GRID2: variants seen among roughly 807,000 people sequenced by gnomAD.
GRID2 encodes glutamate ionotropic receptor delta type subunit 2, also known as glutamate receptor ionotropic, delta-2.
In GRID2, 33 loss-of-function variants were observed where a neutral mutation model predicts 114.8. That is an observed-to-expected ratio of 0.29 (90% confidence interval 0.22 to 0.38). The LOEUF (loss-of-function observed/expected upper bound fraction) is 0.38, where lower values mean the gene tolerates loss of function less well. Among genes scored for constraint, GRID2 ranks in the 10% least tolerant of loss-of-function variants. The pLI is 1.00. For missense variants in GRID2, 1,184 were observed against 1,257.7 expected (o/e 0.94, Z 0.89); for synonymous variants, 505 against 449.9 (o/e 1.12, Z -1.55).
At chr4:93,385,432 A>G (rs1419268693) in intron 8 of GRID2, among the ~76,000 whole-genome samples, 1 of 152,190 alleles carries the variant, frequency 6.6e-6, no homozygotes, top group Non-Finnish European at 1.5e-5. Flanking sequence ...GCATGCCACA[A>G]AACTCCTCTA....
chr4:92,505,601 T>C (rs1723924413), intron 1 of GRID2, among the ~76,000 whole-genome samples: 1 of 151,812 alleles, frequency 6.6e-6, no homozygotes, highest in South Asian at 2.1e-4. Flanking sequence ...GAAAACAGTA[T>C]GTTAGGGGAG....
intron 2 of GRID2, among the ~76,000 whole-genome samples, chr4:93,075,201 C>A (rs1223461369): frequency 2.6e-5 from 4 of 151,998 alleles, no homozygotes; most frequent in Non-Finnish European, 5.9e-5. Context: ...AAAAGAAAAA[C>A]CATATGGTTA....
intron 14 of GRID2, among the ~76,000 whole-genome samples, chr4:93,627,620 C>T (rs1742843148): frequency 6.6e-6 from 1 of 152,226 alleles, no homozygotes; most frequent in African/African-American, 2.4e-5. Flanking sequence ...TGTGGGTCAA[C>T]TGCAGTCCTA....
chr4:92,941,389 G>T (rs921481930), intron 2 of GRID2, among the ~76,000 whole-genome samples: 71 of 152,118 alleles, frequency 4.7e-4, no homozygotes, highest in African/African-American at 1.6e-3. Context: ...ATGGTAGTCT[G>T]TATTTCTTTG....
chr4:93,216,171 CA>C (rs746118261), intron 5 of GRID2, among the ~76,000 whole-genome samples: 7 of 141,382 alleles, frequency 5.0e-5, no homozygotes, highest in Non-Finnish European at 1.1e-4. Flanking sequence ...GAGTTAACAT[CA>C]ACAATTCTAA....
intron 2 of GRID2, among the ~76,000 whole-genome samples, chr4:92,594,285 AT>A (rs1728846472): frequency 6.6e-6 from 1 of 151,908 alleles, no homozygotes; most frequent in South Asian, 2.1e-4. Flanking sequence ...TTTATTATTT[AT>A]GTTCAACCAT....
intron 8 of GRID2, among the ~76,000 whole-genome samples, chr4:93,375,350 T>G (rs2149299119): frequency 6.6e-6 from 1 of 151,800 alleles, no homozygotes; most frequent in African/African-American, 2.4e-5. Flanking sequence ...GTAGCTGGGA[T>G]TACAGGCACT....
intron 1 of GRID2, among the ~76,000 whole-genome samples, chr4:92,497,380 A>G (rs1723441172): frequency 1.3e-5 from 2 of 151,828 alleles, no homozygotes; most frequent in Non-Finnish European, 3.0e-5. Context: ...CAGGTTGGAG[A>G]AATCTGAAAG....
intron 2 of GRID2, among the ~76,000 whole-genome samples, chr4:92,717,927 C>T (rs977409471): frequency 6.6e-6 from 1 of 151,906 alleles, no homozygotes; most frequent in Admixed American, 6.6e-5. Context: ...ATATTAAATA[C>T]AATGAATGAT....
chr4:93,416,288 C>T (rs1438908812), intron 9 of GRID2, among the ~76,000 whole-genome samples: 3 of 151,998 alleles, frequency 2.0e-5, no homozygotes, highest in Non-Finnish European at 4.4e-5. Context: ...CCAAGAAGAA[C>T]AGTGGCCATT....
At chr4:92,428,467 G>C (rs1347923767) in intron 1 of GRID2, among the ~76,000 whole-genome samples, 1 of 151,960 alleles carries the variant, frequency 6.6e-6, no homozygotes, top group Admixed American at 6.6e-5. Context: ...GAAAACAAAA[G>C]AGAATAGAAC....
chr4:92,537,783 CGG>C (rs1725720015), intron 1 of GRID2, among the ~76,000 whole-genome samples: 1 of 79,364 alleles, frequency 1.3e-5, no homozygotes, highest in Non-Finnish European at 2.7e-5. Context: ...CAAAAACTTG[CGG>C]TGTGTGTGTG....
At chr4:92,706,261 T>C (rs929971669) in intron 2 of GRID2, among the ~76,000 whole-genome samples, 2 of 152,236 alleles carry the variant, frequency 1.3e-5, no homozygotes, top group African/African-American at 2.4e-5. Flanking sequence ...TTATTGGCTA[T>C]AGTTGTAAAT....
At chr4:93,316,570 A>AT (rs1172989976) in intron 8 of GRID2, among the ~76,000 whole-genome samples, 3 of 152,158 alleles carry the variant, frequency 2.0e-5, no homozygotes, top group Non-Finnish European at 4.4e-5. Flanking sequence ...AAAAAGGAGG[A>AT]TTAAGTAGGC....
At chr4:93,508,221 G>A (rs1200767377) in intron 12 of GRID2, among the ~76,000 whole-genome samples, 12 of 142,706 alleles carry the variant, frequency 8.4e-5, no homozygotes, top group African/African-American at 2.9e-4. Flanking sequence ...TTTTTTTGAC[G>A]GAGTCTTGGT....
intron 2 of GRID2, among the ~76,000 whole-genome samples, chr4:92,646,444 T>C (rs1315506481): frequency 6.6e-6 from 1 of 152,190 alleles, no homozygotes; most frequent in African/African-American, 2.4e-5. Context: ...CTATTAATAT[T>C]TTTTCTTGTT....
chr4:93,526,724 A>G (rs527708720), intron 13 of GRID2, among the ~76,000 whole-genome samples: 5 of 152,294 alleles, frequency 3.3e-5, no homozygotes, highest in African/African-American at 1.2e-4. Context: ...CAGAAGAATC[A>G]CTTGAACCTG....
At chr4:93,409,373 A>T (rs1357685841) in intron 9 of GRID2, among the ~76,000 whole-genome samples, 3 of 152,132 alleles carry the variant, frequency 2.0e-5, no homozygotes, top group Non-Finnish European at 4.4e-5. Context: ...AGGAGAGTTA[A>T]TAGCAGCTGT....
At chr4:93,071,331 G>C (rs969825305) in intron 2 of GRID2, among the ~76,000 whole-genome samples, 1 of 152,018 alleles carries the variant, frequency 6.6e-6, no homozygotes, top group Non-Finnish European at 1.5e-5. Context: ...ATTCATTCAC[G>C]ACATGTTCAT....
Sources: gnomAD v4.1 joint callset for allele counts (sites outside exome capture counted in the v4.1 genomes callset) on GRCh38, gnomAD v4.1.1 for gene constraint, MANE v1.5 for transcripts, NCBI Gene and HGNC (gene_info 2026-07-23, HGNC 2026-07-21) for gene names.